SLC24A2: variants seen among roughly 807,000 people sequenced by gnomAD.
SLC24A2 encodes the protein sodium/potassium/calcium exchanger 2.
Under a neutral mutation model 62.0 loss-of-function variants are expected in SLC24A2, and 36 were observed. The ratio of observed to expected loss-of-function variants is 0.58; its 90% CI spans 0.44 to 0.77. The LOEUF is 0.77. SLC24A2 is among the 30% of genes least tolerant of loss of function. SLC24A2 has a pLI of 0.00. For missense variants in SLC24A2, 846 were observed against 817.9 expected, an observed-to-expected ratio of 1.03 and a Z score of -0.42; for synonymous variants, 358 against 294.0, an observed-to-expected ratio of 1.22 and a Z score of -2.23.
At chr9:19,637,761 G>T (rs372593305) in intron 2 of SLC24A2, among the ~76,000 whole-genome samples, 2 of 152,204 alleles carry the variant, frequency 1.3e-5, no homozygotes, top group Admixed American at 1.3e-4. Context: ...TAAAGACAGC[G>T]TTTACTCAGT....
At chr9:20,218,106 T>C in the SLC24A2 span, among the ~76,000 whole-genome samples, 1 of 152,176 alleles carries the variant, frequency 6.6e-6, no homozygotes, top group Non-Finnish European at 1.5e-5. Flanking sequence ...CATACACATA[T>C]GTTGAGCCTT....
the SLC24A2 span, among the ~76,000 whole-genome samples, chr9:20,116,504 T>C: frequency 3.3e-5 from 5 of 152,288 alleles, no homozygotes; most frequent in South Asian, 8.3e-4. Flanking sequence ...CTAACTTCGC[T>C]CTTCGTAGTT....
the SLC24A2 span, among the ~76,000 whole-genome samples, chr9:20,095,660 C>G: frequency 3.3e-5 from 5 of 151,822 alleles, no homozygotes; most frequent in African/African-American, 1.2e-4. Flanking sequence ...ATTTCCACAA[C>G]TGTGTGAGCC....
At chr9:19,714,807 T>C (rs899030143) in intron 2 of SLC24A2, among the ~76,000 whole-genome samples, 2 of 152,182 alleles carry the variant, frequency 1.3e-5, no homozygotes. Flanking sequence ...GTATCCTGAA[T>C]ACAGTATGCT....
intron 5 of SLC24A2, among the ~76,000 whole-genome samples, chr9:19,583,356 C>T (rs1183779986): frequency 6.6e-6 from 1 of 152,188 alleles, no homozygotes; most frequent in Non-Finnish European, 1.5e-5. Flanking sequence ...AAATCTATAG[C>T]TTCTCTCTCC....
At chr9:19,690,738 T>C (rs889778832) in intron 2 of SLC24A2, among the ~76,000 whole-genome samples, 4 of 152,172 alleles carry the variant, frequency 2.6e-5, no homozygotes, top group African/African-American at 9.7e-5. Flanking sequence ...CACAAGTGAT[T>C]CTGTAGGCTT....
At chr9:19,813,567 C>T in the SLC24A2 span, among the ~76,000 whole-genome samples, 1 of 152,024 alleles carries the variant, frequency 6.6e-6, no homozygotes, top group African/African-American at 2.4e-5. Context: ...GATCTACTCA[C>T]CTGAGCCTTC....
In SLC24A2 at chr9:19,507,708, C is replaced by T. The variant is rs1351035445; in HGVS notation, c.*8445G>A. ...CAGAGAATAAACTGACATAGTATCA[C>T]CATGTATCTCATCATCCAGTGAAAA... On this transcript the variant is annotated 3_prime_UTR_variant, in exon 11 of 11. Coordinates refer to ENST00000341998, the MANE Select transcript of SLC24A2 (RefSeq NM_020344.4). 1.3e-5 allele frequency: 2 copies of T among 152,148 alleles called. No individual in the cohort carries two copies. Among genetic ancestry groups the T allele is most frequent in the African/African-American group, 4.8e-5 (2 of 41,432 alleles). The allele number at this position is 152,148 out of a possible 1,614,324, so 9.4% of individuals were successfully genotyped here.
the SLC24A2 span, among the ~76,000 whole-genome samples, chr9:20,276,851 G>T: frequency 2.0e-5 from 3 of 152,208 alleles, no homozygotes; most frequent in African/African-American, 7.2e-5. Flanking sequence ...TGAAGCAATG[G>T]CCTGAGCTGT....
At chr9:19,788,838 G>A (rs954710324) in intron 1 of SLC24A2, 47 bp downstream of exon 1, 1 of 985,448 alleles carries the variant, frequency 1.0e-6, no homozygotes, top group Non-Finnish European at 1.2e-6. Flanking sequence ...GGGGACGACC[G>A]CCACAGCGGC....
At chr9:20,059,688 T>C in the SLC24A2 span, among the ~76,000 whole-genome samples, 72 of 152,068 alleles carry the variant, frequency 4.7e-4, no homozygotes, top group Non-Finnish European at 8.5e-4. Context: ...TAAATGCCTA[T>C]ATTAAAAAGA....
intron 8 of SLC24A2, among the ~76,000 whole-genome samples, chr9:19,545,770 C>T (rs1374701569): frequency 6.6e-6 from 1 of 152,024 alleles, no homozygotes; most frequent in African/African-American, 2.4e-5. Flanking sequence ...TCCTGAGTAG[C>T]TGGGACTACA....
At chr9:19,867,278 T>C in the SLC24A2 span, among the ~76,000 whole-genome samples, 7 of 152,156 alleles carry the variant, frequency 4.6e-5, no homozygotes, top group African/African-American at 1.7e-4. Context: ...TTAAGTAGCT[T>C]ATAGAATTCA....
the SLC24A2 span, among the ~76,000 whole-genome samples, chr9:20,157,797 C>T: frequency 4.0e-5 from 6 of 151,620 alleles, no homozygotes; most frequent in Admixed American, 6.6e-5. Flanking sequence ...ATACTCACCC[C>T]TCTCCCTGTT....
At chr9:19,688,262 T>A (rs558947834) in intron 2 of SLC24A2, among the ~76,000 whole-genome samples, 1 of 152,252 alleles carries the variant, frequency 6.6e-6, no homozygotes, top group African/African-American at 2.4e-5. Context: ...GATTACTGAT[T>A]GTGTGGCTTT....
At chr9:20,073,885 T>A in the SLC24A2 span, among the ~76,000 whole-genome samples, 1 of 105,970 alleles carries the variant, frequency 9.4e-6, no homozygotes, top group Non-Finnish European at 1.9e-5. Flanking sequence ...TGTATATATA[T>A]ATATACACAC....
chr9:20,185,197 T>C, the SLC24A2 span, among the ~76,000 whole-genome samples: 1 of 152,196 alleles, frequency 6.6e-6, no homozygotes, highest in East Asian at 1.9e-4. Context: ...TACTTAACCG[T>C]GTATCGTATT....
chr9:19,544,616 G>A (rs1472519144), intron 8 of SLC24A2, among the ~76,000 whole-genome samples: 1 of 152,108 alleles, frequency 6.6e-6, no homozygotes. Context: ...CTCTTGTAAG[G>A]CAGGCCTGGT....
chr9:19,664,151 G>C (rs567475867), intron 2 of SLC24A2, among the ~76,000 whole-genome samples: 2 of 152,302 alleles, frequency 1.3e-5, no homozygotes, highest in African/African-American at 4.8e-5. Context: ...TCTGAGTTTG[G>C]ATTTTGGTTT....
Sources: allele counts gnomAD v4.1 joint callset (sites outside exome capture counted in the v4.1 genomes callset), GRCh38; gene constraint gnomAD v4.1.1; transcripts MANE v1.5; gene names NCBI Gene and HGNC (gene_info 2026-07-23, HGNC 2026-07-21).